TESK2: variants seen among roughly 807,000 people sequenced by gnomAD.
TESK2 encodes the protein dual specificity testis-specific protein kinase 2.
Under a neutral mutation model 57.1 loss-of-function variants are expected in TESK2, and 39 were observed. That is an observed-to-expected ratio of 0.68 (90% CI 0.53 to 0.89). The LOEUF is 0.89. Among genes scored for constraint, TESK2 ranks in the 40% least tolerant of loss-of-function variants. The probability of loss-of-function intolerance (pLI) is 0.00; values close to 1 mark genes in which losing one functional copy is unlikely to be tolerated. For synonymous variants in TESK2, 249 were observed against 267.9 expected (o/e 0.93, Z 0.69); for missense variants, 646 against 732.1 (o/e 0.88, Z 1.36).
chr1:45,455,858 CA>C (rs1006736268), intron 2 of TESK2, among the ~76,000 whole-genome samples: 1 of 148,008 alleles, frequency 6.8e-6, no homozygotes, highest in Non-Finnish European at 1.5e-5. Context: ...TGTTTTGGTC[CA>C]AAAAAAAACA....
At chr1:45,347,546 G>A (rs1647163721) in intron 7 of TESK2, 63 bp downstream of exon 7, 4 of 1,475,426 alleles carry the variant, frequency 2.7e-6, no homozygotes, top group Non-Finnish European at 2.8e-6. Context: ...AACATAGTGA[G>A]ACCATCTCAA....
At chr1:45,486,827 A>T (rs1298245070) in intron 1 of TESK2, among the ~76,000 whole-genome samples, 2 of 141,306 alleles carry the variant, frequency 1.4e-5, no homozygotes, top group Non-Finnish European at 3.1e-5. Context: ...ACATATATAC[A>T]TTTTTTTTTT....
chr1:45,418,395 TATC>T (rs1485134984), intron 3 of TESK2, among the ~76,000 whole-genome samples: 1 of 152,218 alleles, frequency 6.6e-6, no homozygotes, highest in Admixed American at 6.5e-5. Flanking sequence ...TCAATTACCT[TATC>T]ATTCTAGTTT....
intron 3 of TESK2, among the ~76,000 whole-genome samples, chr1:45,402,564 C>T (rs1570693918): frequency 1.3e-5 from 2 of 151,406 alleles, no homozygotes; most frequent in South Asian, 4.2e-4. Context: ...CTGACCACAA[C>T]CTCTGCTTCC....
At chr1:45,386,723 G>T (rs192872697) in intron 3 of TESK2, among the ~76,000 whole-genome samples, 53 of 152,040 alleles carry the variant, frequency 3.5e-4, no homozygotes, top group African/African-American at 1.1e-3. Flanking sequence ...GCATGATCTT[G>T]TCTCACTGCA....
intron 8 of TESK2, 81 bp from the exon 9 acceptor site, chr1:45,346,860 G>T: frequency 1.3e-6 from 2 of 1,533,634 alleles, no homozygotes; most frequent in South Asian, 2.3e-5. Flanking sequence ...GAAGTGGTTG[G>T]GAGCTGCCCC....
intron 1 of TESK2, among the ~76,000 whole-genome samples, chr1:45,459,671 G>A (rs1196197177): frequency 6.6e-6 from 1 of 152,004 alleles, no homozygotes; most frequent in Non-Finnish European, 1.5e-5. Flanking sequence ...GTGAGACCTC[G>A]TCTGTATGAA....
rs1486940634 is a variant in TESK2 at position 45,348,133 on chromosome 1, G to A, written c.541-133C>T. ...CTCCTTGGTGAACCGCACTCAAGCT[G>A]ACCCCACTGGTCAGGTCAGGGGCTC... On this transcript the variant is annotated intron_variant, in intron 5 of 10. Coordinates refer to ENST00000372086, the MANE Select transcript of TESK2 (RefSeq NM_007170.3). 6 of 678,354 alleles carry A rather than the reference G, an allele frequency of 8.8e-6. No homozygotes were observed. In the East Asian group the frequency reaches 1.6e-4, roughly 18 times the overall value. 42.0% of individuals were successfully genotyped at this position (678,354 alleles called of 1,614,324 possible).
In TESK2 at chr1:45,372,575, T is replaced by TCAACAA. The variant is rs111362526; in HGVS notation, c.393+13331_393+13336dup. Among the ~76,000 whole-genome samples, 115 of 151,090 alleles carry TCAACAA rather than the reference T, an allele frequency of 7.6e-4. No homozygotes were observed. The East Asian group carries it at 0.014, about 18-fold the overall frequency. ...GCCTGGGTGACAGAGCGAGACTGTC[T>TCAACAA]CAACAACAACAACAACAAAACAAGA... On this transcript the variant is annotated intron_variant, in intron 4 of 10. Coordinates refer to ENST00000372086, the MANE Select transcript of TESK2 (RefSeq NM_007170.3).
chr1:45,489,965 A>G, intron 1 of TESK2, among the ~76,000 whole-genome samples: 1 of 152,196 alleles, frequency 6.6e-6, no homozygotes, highest in Non-Finnish European at 1.5e-5. Flanking sequence ...GATTCACACC[A>G]TCAGCCAAGT....
intron 1 of TESK2, among the ~76,000 whole-genome samples, chr1:45,478,924 G>A (rs1328251067): frequency 1.3e-5 from 2 of 151,854 alleles, no homozygotes; most frequent in South Asian, 2.1e-4. Context: ...GGGTTTCACC[G>A]TATTGGCCAG....
At chr1:45,436,788 A>C (rs1365667454) in intron 2 of TESK2, among the ~76,000 whole-genome samples, 1 of 137,774 alleles carries the variant, frequency 7.3e-6, no homozygotes, top group Non-Finnish European at 1.6e-5. Context: ...GTGCCCAGCC[A>C]ACATTAGTAT....
intron 3 of TESK2, among the ~76,000 whole-genome samples, chr1:45,409,849 A>G (rs1304058234): frequency 6.6e-6 from 1 of 152,162 alleles, no homozygotes; most frequent in Non-Finnish European, 1.5e-5. Flanking sequence ...GGTACTCAAT[A>G]ATTAGTAATC....
intron 2 of TESK2, among the ~76,000 whole-genome samples, chr1:45,445,500 G>A (rs1212787921): frequency 6.6e-6 from 1 of 151,646 alleles, no homozygotes; most frequent in Non-Finnish European, 1.5e-5. Context: ...GAAACAAAAA[G>A]CCACGACCAG....
chr1:45,423,710 C>T (rs1650575370), intron 2 of TESK2, among the ~76,000 whole-genome samples: 2 of 152,074 alleles, frequency 1.3e-5, no homozygotes, highest in Non-Finnish European at 2.9e-5. Context: ...CAAACATGGG[C>T]CACACCACTC....
At chr1:45,432,064 G>A (rs1320797784) in intron 2 of TESK2, among the ~76,000 whole-genome samples, 1 of 151,956 alleles carries the variant, frequency 6.6e-6, no homozygotes, top group African/African-American at 2.4e-5. Flanking sequence ...TGGGAAACAT[G>A]GTGAAACCCC....
intron 1 of TESK2, among the ~76,000 whole-genome samples, chr1:45,460,609 A>G (rs1189301422): frequency 1.3e-5 from 2 of 152,138 alleles, no homozygotes; most frequent in Non-Finnish European, 2.9e-5. Context: ...GCTGAAGTGC[A>G]ATGGTGCTAT....
intron 3 of TESK2, among the ~76,000 whole-genome samples, chr1:45,395,614 T>C (rs970665220): frequency 6.6e-6 from 1 of 151,170 alleles, no homozygotes; most frequent in Non-Finnish European, 1.5e-5. Flanking sequence ...CTTTTCTTTT[T>C]TTTTTTTTTT....
At chr1:45,356,002 C>T (rs908487338) in intron 4 of TESK2, among the ~76,000 whole-genome samples, 6 of 152,090 alleles carry the variant, frequency 3.9e-5, no homozygotes, top group Non-Finnish European at 2.9e-5. Flanking sequence ...GCATTTTAAG[C>T]AGGAGAGCCA....
Sources: gnomAD v4.1 joint callset for allele counts (sites outside exome capture counted in the v4.1 genomes callset) on GRCh38, gnomAD v4.1.1 for gene constraint, MANE v1.5 for transcripts, NCBI Gene and HGNC (gene_info 2026-07-23, HGNC 2026-07-21) for gene names.